RABGAP1L: variants seen among roughly 807,000 people sequenced by gnomAD.
RABGAP1L encodes the protein rab GTPase-activating protein 1-like.
A neutral mutation model predicts 137.7 loss-of-function variants in RABGAP1L; 63 were observed. The ratio of observed to expected loss-of-function variants is 0.46; its 90% CI spans 0.37 to 0.56. RABGAP1L has a LOEUF of 0.56. Among genes scored for constraint, RABGAP1L ranks in the 20% least tolerant of loss-of-function variants. The pLI, the probability that RABGAP1L is intolerant of heterozygous loss-of-function variation, is 0.00. For synonymous variants in RABGAP1L, 431 were observed against 433.7 expected (o/e 0.99, Z 0.08); for missense variants, 1,095 against 1,244.0 (o/e 0.88, Z 1.80).
intron 14 of RABGAP1L, among the ~76,000 whole-genome samples, chr1:174,671,287 C>T (rs969773456): frequency 9.9e-5 from 15 of 152,104 alleles, no homozygotes; most frequent in African/African-American, 2.9e-4. Context: ...AGGGACAATT[C>T]GGTTTCTTCC....
chr1:174,814,509 A>G (rs894810953), intron 19 of RABGAP1L, among the ~76,000 whole-genome samples: 8 of 152,140 alleles, frequency 5.3e-5, no homozygotes, highest in African/African-American at 1.9e-4. Context: ...TTGGGCTGGG[A>G]TTGTGCTGGG....
intron 13 of RABGAP1L, among the ~76,000 whole-genome samples, chr1:174,433,038 A>G (rs1652831495): frequency 1.3e-5 from 2 of 152,218 alleles, no homozygotes; most frequent in Admixed American, 1.3e-4. Context: ...CTTTGAATGA[A>G]TAGCCACTGT....
chr1:174,875,527 T>C lies in RABGAP1L; in HGVS notation c.2340+63567T>C, dbSNP rs1049267492. 8 of 985,298 alleles carry C rather than the reference T, an allele frequency of 8.1e-6. No homozygotes were observed. The African/African-American group carries it at 1.4e-4, about 17-fold the overall frequency. 61.0% of individuals were successfully genotyped at this position (985,298 alleles called of 1,614,324 possible). On this transcript the variant is annotated intron_variant, in intron 19 of 25. Coordinates refer to ENST00000681986, the MANE Select transcript of RABGAP1L (RefSeq NM_001366446.1). The stretch of plus-strand genomic sequence containing the variant: ...AACAGGTGTCTTTGTCAGTGCACCT[T>C]ATTCAGATATCCATGTGTGGAAGCT...
chr1:174,612,141 A>G (rs957377325), intron 13 of RABGAP1L, among the ~76,000 whole-genome samples: 3 of 152,190 alleles, frequency 2.0e-5, no homozygotes, highest in Non-Finnish European at 4.4e-5. Flanking sequence ...ACCTGTTTTC[A>G]AAGGGAATGC....
intron 11 of RABGAP1L, among the ~76,000 whole-genome samples, chr1:174,357,674 A>G (rs1257640790): frequency 6.6e-6 from 1 of 152,206 alleles, no homozygotes; most frequent in Non-Finnish European, 1.5e-5. Flanking sequence ...ATGGAGGTTG[A>G]TAAAGGGAGC....
chr1:174,434,151 A>ACACACACC (rs1361968902), intron 13 of RABGAP1L, among the ~76,000 whole-genome samples: 28 of 147,612 alleles, frequency 1.9e-4, no homozygotes, highest in African/African-American at 5.9e-4. Flanking sequence ...ACACACACAC[A>ACACACACC]CCCTGCCTGG....
chr1:174,205,857 A>G (rs754614379), intron 1 of RABGAP1L, among the ~76,000 whole-genome samples: 2 of 152,144 alleles, frequency 1.3e-5, no homozygotes, highest in East Asian at 1.9e-4. Flanking sequence ...TAGAAACCCA[A>G]TTTAAACTAA....
At chr1:174,562,538 A>G (rs750583842) in intron 13 of RABGAP1L, among the ~76,000 whole-genome samples, 1 of 152,230 alleles carries the variant, frequency 6.6e-6, no homozygotes, top group Non-Finnish European at 1.5e-5. Context: ...TCATTCTGCT[A>G]TAAAGACACA....
chr1:174,738,819 G>T (rs1683162970), intron 17 of RABGAP1L, among the ~76,000 whole-genome samples: 1 of 152,222 alleles, frequency 6.6e-6, no homozygotes, highest in African/African-American at 2.4e-5. Flanking sequence ...AAATGGGAAT[G>T]AATTTCACAG....
At chr1:174,374,579 G>A (rs1685365914) in intron 12 of RABGAP1L, among the ~76,000 whole-genome samples, 1 of 151,976 alleles carries the variant, frequency 6.6e-6, no homozygotes, top group African/African-American at 2.4e-5. Context: ...GTTTCTTCTT[G>A]TCCGTAATTT....
intron 14 of RABGAP1L, among the ~76,000 whole-genome samples, chr1:174,642,353 A>T (rs1477041434): frequency 1.3e-5 from 2 of 152,190 alleles, no homozygotes; most frequent in Admixed American, 1.3e-4. Context: ...AAACTAGAGC[A>T]GTTAAAGTAT....
At chr1:174,552,771 T>C (rs1209421545) in intron 13 of RABGAP1L, among the ~76,000 whole-genome samples, 2 of 152,204 alleles carry the variant, frequency 1.3e-5, no homozygotes, top group Admixed American at 1.3e-4. Context: ...AAATGGTATT[T>C]CTGTCTTTAG....
intron 7 of RABGAP1L, among the ~76,000 whole-genome samples, chr1:174,258,323 C>T (rs952818666): frequency 2.0e-5 from 3 of 152,230 alleles, no homozygotes; most frequent in South Asian, 2.1e-4. Flanking sequence ...CTCACTCTGT[C>T]ACCCAGCCTG....
intron 11 of RABGAP1L, 107 bp downstream of exon 11, chr1:174,305,234 C>G (rs2148771174): frequency 8.4e-7 from 1 of 1,196,578 alleles, no homozygotes; most frequent in South Asian, 2.7e-5. Flanking sequence ...TATTCCTAAC[C>G]TCTGTTACCA....
chr1:174,307,388 C>A (rs570987635), intron 11 of RABGAP1L, among the ~76,000 whole-genome samples: 4 of 152,302 alleles, frequency 2.6e-5, no homozygotes, highest in African/African-American at 9.6e-5. Flanking sequence ...GCAACCATCA[C>A]CTCTATCTAG....
intron 13 of RABGAP1L, among the ~76,000 whole-genome samples, chr1:174,523,106 T>G (rs1172823336): frequency 1.3e-5 from 2 of 152,168 alleles, no homozygotes; most frequent in Admixed American, 1.3e-4. Flanking sequence ...GTATATATAA[T>G]CAAGGCAAGA....
intron 18 of RABGAP1L, chr1:174,800,437 T>G: frequency 1.9e-6 from 3 of 1,550,928 alleles, no homozygotes; most frequent in Non-Finnish European, 2.6e-6. Context: ...TGAATGAGTA[T>G]GCGTGTCGAG....
chr1:174,266,046 CCTT>C (rs780353595), intron 7 of RABGAP1L, among the ~76,000 whole-genome samples: 13 of 152,182 alleles, frequency 8.5e-5, no homozygotes, highest in African/African-American at 1.2e-4. Context: ...TGGAGAGACT[CCTT>C]CTTCCTATTA....
At chr1:174,781,809 T>A (rs1687035498) in intron 18 of RABGAP1L, among the ~76,000 whole-genome samples, 1 of 152,192 alleles carries the variant, frequency 6.6e-6, no homozygotes, top group Admixed American at 6.5e-5. Context: ...CCCAGCACCA[T>A]TTGTTAAATG....
Sources: allele counts gnomAD v4.1 joint callset (sites outside exome capture counted in the v4.1 genomes callset), GRCh38; gene constraint gnomAD v4.1.1; transcripts MANE v1.5; gene names NCBI Gene and HGNC (gene_info 2026-07-23, HGNC 2026-07-21).